The following ZFYVE28 variants were observed in gnomAD, a reference collection of about 807,000 sequenced individuals.
ZFYVE28 encodes zinc finger FYVE-type containing 28.
In ZFYVE28, 40 loss-of-function variants were observed where a neutral mutation model predicts 82.1. That is an observed-to-expected ratio of 0.49 (90% CI 0.38 to 0.63). The LOEUF is 0.63. Among genes scored for constraint, ZFYVE28 ranks in the 30% least tolerant of loss-of-function variants. ZFYVE28 has a pLI of 0.00. For synonymous variants in ZFYVE28, 612 were observed against 546.1 expected, an observed-to-expected ratio of 1.12 and a Z score of -1.68; for missense variants, 1,321 against 1,242.1, an observed-to-expected ratio of 1.06 and a Z score of -0.96.
intron 6 of ZFYVE28, among the ~76,000 whole-genome samples, chr4:2,331,880 G>A (rs1720767013): frequency 6.6e-6 from 1 of 152,230 alleles, no homozygotes; most frequent in Admixed American, 6.5e-5. Context: ...GCCCCAGGCA[G>A]GCCTCCTCTG....
In ZFYVE28 at chr4:2,372,779, C is replaced by A. The variant is rs112168835; in HGVS notation, c.40-18706G>T. ...TCATGATGGCAGAGCCAGCTGCCTC[C>A]CTGGACCAAGGATGCTGCACACCCC... On this transcript the variant is annotated intron_variant, in intron 1 of 12. Coordinates refer to ENST00000290974, the MANE Select transcript of ZFYVE28 (RefSeq NM_020972.3). This position sits in a 1 kb window ranked among gnomAD's most constrained non-coding sequence, Gnocchi z 5.2. Among the ~76,000 whole-genome samples the A allele has an allele frequency of 6.6e-6, 1 of 152,088 alleles. No individual in the cohort carries two copies. Among genetic ancestry groups the A allele is most frequent in the African/African-American group, 2.4e-5 (1 of 41,378 alleles).
chr4:2,326,201 A>G (rs955543229), intron 6 of ZFYVE28, among the ~76,000 whole-genome samples: 4 of 152,130 alleles, frequency 2.6e-5, no homozygotes, highest in Non-Finnish European at 2.9e-5. Context: ...TCTTATATTT[A>G]GCTCTTTAAT....
chr4:2,273,185 T>C lies in ZFYVE28; in HGVS notation c.2311A>G (p.Lys771Glu). Residue 771 changes from lysine (K) to glutamate (E), a missense_variant, in exon 10 of 13, where the codon AAG (lysine) becomes GAG (glutamate). By Grantham distance (56) the Lys-to-Glu change is moderately conservative (BLOSUM62 1). Coordinates refer to ENST00000290974, the MANE Select transcript of ZFYVE28 (RefSeq NM_020972.3). ...ATKPETDDKE[K>E]LRKVTQTLRS... ...AGTGGGCACTCACCCTTCCTTAACT[T>C]TTCCTTGTCGTCTGTTTCAGGCTTG... 1.2e-6 allele frequency: 2 copies of C among 1,613,630 alleles called. No homozygotes were observed. Among genetic ancestry groups the C allele is most frequent in the Non-Finnish European group, 1.7e-6 (2 of 1,179,714 alleles).
intron 1 of ZFYVE28, among the ~76,000 whole-genome samples, chr4:2,370,055 G>A (rs1727363224): frequency 6.6e-6 from 1 of 151,582 alleles, no homozygotes; most frequent in South Asian, 2.1e-4. Context: ...TCACCATGTT[G>A]GCCAGGATGG....
intron 8 of ZFYVE28, among the ~76,000 whole-genome samples, chr4:2,277,476 T>C (rs1736578591): frequency 6.6e-6 from 1 of 151,710 alleles, no homozygotes; most frequent in Non-Finnish European, 1.5e-5. Context: ...TGAGACACCA[T>C]CTCAAAAAAA....
intron 2 of ZFYVE28, among the ~76,000 whole-genome samples, chr4:2,343,822 G>C (rs897899045): frequency 5.3e-5 from 8 of 152,224 alleles, no homozygotes; most frequent in Non-Finnish European, 1.2e-4. Flanking sequence ...TCATTGCCCA[G>C]CCTTCCTGGT....
At chr4:2,402,894 C>G (rs1731350541) in intron 1 of ZFYVE28, among the ~76,000 whole-genome samples, 1 of 152,194 alleles carries the variant, frequency 6.6e-6, no homozygotes, top group African/African-American at 2.4e-5. Context: ...GCCCCTCCTC[C>G]TAGCTCAGGA....
At chr4:2,386,748 C>G (rs1256983388) in intron 1 of ZFYVE28, among the ~76,000 whole-genome samples, 2 of 152,246 alleles carry the variant, frequency 1.3e-5, no homozygotes, top group African/African-American at 4.8e-5. Context: ...AACCCAAATG[C>G]CTTTTCTTTA....
chr4:2,389,059 T>TCCCTCCTCTGGGA (rs1339409195), intron 1 of ZFYVE28, among the ~76,000 whole-genome samples: 2 of 151,712 alleles, frequency 1.3e-5, no homozygotes, highest in Non-Finnish European at 2.9e-5. Context: ...GGCTGATGAG[T>TCCCTCCTCTGGGA]CCCTCCTCTG....
rs139219651 is a variant in ZFYVE28 at position 2,344,752 on chromosome 4, C to T, written c.181-3137G>A. 2.4e-3 allele frequency among the ~76,000 whole-genome samples: 361 copies of T among 151,802 alleles called. 3 individuals carry two copies. The highest frequency in any genetic ancestry group is 8.3e-3 in the African/African-American group (344 of 41,338). ...TCTCTACTAAAAATACACAATTAGC[C>T]GGGTGTGGTGGCGAATGCCTATAAT... On this transcript the variant is annotated intron_variant, in intron 2 of 12. Transcript: ENST00000290974.
At chr4:2,314,995 C>CA (rs2108832903) in intron 7 of ZFYVE28, among the ~76,000 whole-genome samples, 1 of 152,232 alleles carries the variant, frequency 6.6e-6, no homozygotes, top group Non-Finnish European at 1.5e-5. Context: ...AGGCTGGTCT[C>CA]AAACTCCTGA....
intron 1 of ZFYVE28, among the ~76,000 whole-genome samples, chr4:2,359,441 T>G (rs537329276): frequency 6.6e-6 from 1 of 152,254 alleles, no homozygotes; most frequent in Non-Finnish European, 1.5e-5. Context: ...ATAGGATATT[T>G]AAAGAGGTCA....
At chr4:2,364,835 C>G in intron 1 of ZFYVE28, 1 of 985,506 alleles carries the variant, frequency 1.0e-6, no homozygotes, top group African/African-American at 1.7e-5. Context: ...TTCCGCGATA[C>G]CGCGATAAAA....
At chr4:2,390,046 AG>A (rs1306930713) in intron 1 of ZFYVE28, among the ~76,000 whole-genome samples, 1 of 152,198 alleles carries the variant, frequency 6.6e-6, no homozygotes, top group Non-Finnish European at 1.5e-5. Context: ...ATGTGGCAAA[AG>A]GGTCCTTGCA....
At position 2,337,457 on chromosome 4, in the gene ZFYVE28, C is replaced by T; in HGVS notation, c.561G>A (p.Glu187=). ...CGATGACCTCCTGCTGCACGTAGTA[C>T]TCCCTGGGGGACTTCACAGGCACCA... ...SAMVPVKSPR[E]YYVQQEVIVL... is the part of the protein sequence containing the mutation. Residue 187 remains glutamate, a synonymous_variant, in exon 5 of 13, where the codon GAG becomes GAA. Transcript: ENST00000290974. 6.2e-7 allele frequency: 1 copy of T among 1,610,792 alleles called. No homozygotes were observed. The highest frequency in any genetic ancestry group is 8.5e-7 in the Non-Finnish European group (1 of 1,178,358).
At chr4:2,340,054 G>A (rs1357130270) in intron 3 of ZFYVE28, among the ~76,000 whole-genome samples, 1 of 152,104 alleles carries the variant, frequency 6.6e-6, no homozygotes, top group East Asian at 1.9e-4. Flanking sequence ...CAGGGATGAA[G>A]TTCAAGGAGC....
In ZFYVE28 at chr4:2,377,958, G is replaced by A. The variant is rs572691858; in HGVS notation, c.40-23885C>T. 2.0e-5 allele frequency among the ~76,000 whole-genome samples: 3 copies of A among 152,332 alleles called. No individual in the cohort carries two copies. In the East Asian group the frequency reaches 5.8e-4, roughly 29 times the overall value. On this transcript the variant is annotated intron_variant, in intron 1 of 12. Transcript: ENST00000290974. ...CCTGGGCCACAAACCTGCACAGCAC[G>A]TTACTGTGCTGAACAGTATACTGTA...
rs145689089 is a variant in ZFYVE28, at chr4:2,300,398, G to A, written c.2051+3891C>T. Among the ~76,000 whole-genome samples, 807 of 152,244 alleles carry A rather than the reference G, an allele frequency of 5.3e-3. 5 individuals are homozygous for A. The highest frequency in any genetic ancestry group is 0.018 in the African/African-American group (753 of 41,532). ...GGATTCATTGACCACTGAGAAGGTCGGAAAGAAGCCAGTAAAATGAAAAGA... is the reference window on the plus strand; with the variant it reads ...GGATTCATTGACCACTGAGAAGGTCAGAAAGAAGCCAGTAAAATGAAAAGA... On this transcript the variant is annotated intron_variant, in intron 8 of 12. Transcript: ENST00000290974. The surrounding 1 kb of genome is among the most constrained non-coding windows in gnomAD (Gnocchi z 4.6).
intron 7 of ZFYVE28, chr4:2,319,135 A>G (rs1718668130): frequency 6.6e-6 from 1 of 152,134 alleles, no homozygotes; most frequent in Non-Finnish European, 1.5e-5. Context: ...AGACCCCCAT[A>G]TGTGGGGCAG....
Sources: allele counts gnomAD v4.1 joint callset (sites outside exome capture counted in the v4.1 genomes callset), GRCh38; gene constraint gnomAD v4.1.1; non-coding constraint Gnocchi (gnomAD v3.1); transcripts MANE v1.5; gene names NCBI Gene and HGNC (gene_info 2026-07-23, HGNC 2026-07-21).